The following AXIN1 variants were observed in gnomAD, a reference collection of about 807,000 sequenced individuals.
The protein encoded by AXIN1 is axin 1, also known as axin-1.
AXIN1 carries 30 observed loss-of-function variants against 76.4 expected under a neutral mutation model. The observed-to-expected ratio is 0.39, with a 90% CI of 0.29 to 0.53. The LOEUF is 0.53. Among genes scored for constraint, AXIN1 ranks in the 20% least tolerant of loss-of-function variants. The probability of loss-of-function intolerance (pLI) is 0.66; values close to 1 mark genes in which losing one functional copy is unlikely to be tolerated. For synonymous variants in AXIN1, 545 were observed against 501.4 expected, an observed-to-expected ratio of 1.09 and a Z score of -1.16; for missense variants, 1,140 against 1,198.8, an observed-to-expected ratio of 0.95 and a Z score of 0.72.
At chr16:318,146 C>T (rs1360960493) in intron 2 of AXIN1, among the ~76,000 whole-genome samples, 2 of 152,242 alleles carry the variant, frequency 1.3e-5, no homozygotes, top group Non-Finnish European at 2.9e-5. Context: ...ACACCTGTCC[C>T]GTCACTTGGG....
At chr16:294,823 G>A (rs1344865144) in intron 7 of AXIN1, among the ~76,000 whole-genome samples, 2 of 151,002 alleles carry the variant, frequency 1.3e-5, no homozygotes, top group Non-Finnish European at 2.9e-5. Context: ...AGCACTTTGG[G>A]AGGCTGAGGA....
intron 3 of AXIN1, among the ~76,000 whole-genome samples, chr16:313,412 A>T (rs1411745421): frequency 6.6e-6 from 1 of 152,234 alleles, no homozygotes; most frequent in Non-Finnish European, 1.5e-5. Context: ...CTCCTCCTCC[A>T]GCCCTATCCA....
At chr16:320,313 T>C (rs2053410565) in intron 2 of AXIN1, among the ~76,000 whole-genome samples, 1 of 152,194 alleles carries the variant, frequency 6.6e-6, no homozygotes, top group Non-Finnish European at 1.5e-5. Flanking sequence ...CCGAATGTGC[T>C]GGGATTACAG....
At chr16:320,842 C>T (rs1044424427) in intron 2 of AXIN1, among the ~76,000 whole-genome samples, 8 of 150,808 alleles carry the variant, frequency 5.3e-5, no homozygotes, top group South Asian at 4.2e-4. Flanking sequence ...TGGGTTCAAT[C>T]GATTCTCCTG....
intron 2 of AXIN1, among the ~76,000 whole-genome samples, chr16:340,955 C>A (rs999969368): frequency 7.2e-5 from 11 of 152,240 alleles, no homozygotes; most frequent in African/African-American, 2.7e-4. Context: ...CGTGCTGGAC[C>A]GCAGCAGCCC....
Position 342,795 on chromosome 16 carries a change from C to T in AXIN1, c.878+3353G>A, listed in dbSNP as rs375477712. Among the ~76,000 whole-genome samples, 69 of 152,336 alleles carry T rather than the reference C, an allele frequency of 4.5e-4. 1 individual carries two copies. Among genetic ancestry groups the T allele is most frequent in the African/African-American group, 1.4e-3 (60 of 41,578 alleles). ...GCAGCCACCTCCAACACAAAGCCCA[C>T]GAAGTCGCCCACCAGGCAGGCAAAG... On this transcript the variant is annotated intron_variant, in intron 2 of 10. Transcript: ENST00000262320.
chr16:333,055 C>T (rs2053726676), intron 2 of AXIN1, among the ~76,000 whole-genome samples: 1 of 152,004 alleles, frequency 6.6e-6, no homozygotes, highest in Non-Finnish European at 1.5e-5. Flanking sequence ...CGAGGTGGGC[C>T]GGGTGCAATT....
At chr16:316,644 A>C (rs2053308476) in intron 2 of AXIN1, among the ~76,000 whole-genome samples, 1 of 152,170 alleles carries the variant, frequency 6.6e-6, no homozygotes, top group South Asian at 2.1e-4. Flanking sequence ...CAGGGGGTTT[A>C]TCACAGTGCA....
Position 293,799 on chromosome 16 carries a change from G to C in AXIN1, c.1956-81C>G. 2 of 1,397,964 alleles carry C rather than the reference G, an allele frequency of 1.4e-6. No individual in the cohort carries two copies. Among genetic ancestry groups the C allele is most frequent in the Non-Finnish European group, 2.0e-6 (2 of 993,636 alleles). The allele number at this position is 1,397,964 out of a possible 1,614,324, so 86.6% of individuals were successfully genotyped here. A position where few individuals can be genotyped will look rare whatever the true frequency, so the allele number is the denominator to read the frequency against. On this transcript the variant is annotated intron_variant, in intron 7 of 10. Transcript: ENST00000262320. This position sits in a 1 kb window ranked among gnomAD's most constrained non-coding sequence, Gnocchi z 4.6. ...TGGTGGGGCTACACTCATCTCACAA[G>C]GGCAGCCTCCTTGAGGGATAGGATG...
At chr16:320,733 A>ATTTTT (rs1567286959) in intron 2 of AXIN1, among the ~76,000 whole-genome samples, 5 of 86,210 alleles carry the variant, frequency 5.8e-5, no homozygotes, top group African/African-American at 3.1e-4. Flanking sequence ...GTATATATAT[A>ATTTTT]TATATATATA....
chr16:342,601 C>G (rs1002339982), intron 2 of AXIN1, among the ~76,000 whole-genome samples: 1 of 152,252 alleles, frequency 6.6e-6, no homozygotes, highest in Non-Finnish European at 1.5e-5. Context: ...AACCCACTTT[C>G]CTTCAGGAGT....
intron 1 of AXIN1, among the ~76,000 whole-genome samples, chr16:348,304 T>C (rs1286614461): frequency 6.6e-6 from 1 of 152,226 alleles, no homozygotes; most frequent in African/African-American, 2.4e-5. Context: ...GAGAAGCATG[T>C]TGGGTTCAAA....
chr16:335,491 C>T (rs2053784460), intron 2 of AXIN1, among the ~76,000 whole-genome samples: 1 of 152,046 alleles, frequency 6.6e-6, no homozygotes, highest in African/African-American at 2.4e-5. Flanking sequence ...GCACTCAGTA[C>T]CACAGCACGC....
At chr16:297,365 C>T (rs2052741134) in intron 6 of AXIN1, 139 bp from the exon 7 acceptor site, 2 of 1,142,718 alleles carry the variant, frequency 1.8e-6, no homozygotes, top group Non-Finnish European at 2.5e-6. Context: ...CCCGCTTGTC[C>T]CCCACCCGCT....
At chr16:314,726 C>T (rs779567064) in intron 2 of AXIN1, 43 bp from the exon 3 acceptor site, 3 of 1,610,206 alleles carry the variant, frequency 1.9e-6, no homozygotes, top group Admixed American at 1.7e-5. Context: ...AGCCTGCCAA[C>T]AGCCTCTCAT....
intron 2 of AXIN1, among the ~76,000 whole-genome samples, chr16:323,018 G>A (rs866300486): frequency 3.0e-4 from 46 of 152,332 alleles, no homozygotes; most frequent in African/African-American, 1.0e-3. Flanking sequence ...AGAGCCAAGC[G>A]TGGCTCAGGC....
At chr16:297,613 C>T in intron 6 of AXIN1, 109 bp downstream of exon 6, 1 of 1,408,090 alleles carries the variant, frequency 7.1e-7, no homozygotes, top group Non-Finnish European at 9.4e-7. Context: ...GGGCCTCCTG[C>T]CTGTTGCTGG....
At chr16:335,717 A>AT (rs150679110) in intron 2 of AXIN1, among the ~76,000 whole-genome samples, 8,700 of 152,288 alleles carry the variant, frequency 0.057, 270 homozygotes, top group Middle Eastern at 0.075. Flanking sequence ...AGGATGCCTA[A>AT]AGAGTAACTG....
In AXIN1 at chr16:293,173, C is replaced by T. The variant is rs1319614769; in HGVS notation, c.2186+315G>A. The T allele has an allele frequency of 4.4e-6, 2 of 452,972 alleles. No individual in the cohort carries two copies. The highest frequency in any genetic ancestry group is 3.0e-5 in the South Asian group (1 of 33,536). The allele number at this position is 452,972 out of a possible 1,614,324, so 28.1% of individuals were successfully genotyped here. On this transcript the variant is annotated intron_variant, in intron 8 of 10. Transcript: ENST00000262320. This position sits in a 1 kb window ranked among gnomAD's most constrained non-coding sequence, Gnocchi z 4.6. The stretch of plus-strand genomic sequence containing the variant: ...CAGCGAGCAGCCTCTGGCTGGGGAC[C>T]GGCGTTCCCCACACACTGGGGCCCT...
Sources: gnomAD v4.1 joint callset for allele counts (sites outside exome capture counted in the v4.1 genomes callset) on GRCh38, gnomAD v4.1.1 for gene constraint, Gnocchi (gnomAD v3.1) non-coding constraint, MANE v1.5 for transcripts, NCBI Gene and HGNC (gene_info 2026-07-23, HGNC 2026-07-21) for gene names.